The following NELL1 variants were observed in gnomAD, a reference collection of about 807,000 sequenced individuals.
NELL1 encodes protein kinase C-binding protein NELL1.
A neutral mutation model predicts 107.4 loss-of-function variants in NELL1; 76 were observed. That is an observed-to-expected ratio of 0.71 (90% CI 0.59 to 0.86). The LOEUF (loss-of-function observed/expected upper bound fraction) is 0.86, where lower values mean the gene tolerates loss of function less well. NELL1 is among the 40% of genes least tolerant of loss of function. NELL1 has a pLI of 0.00. For synonymous variants in NELL1, 353 were observed against 341.2 expected (o/e 1.03, Z -0.38); for missense variants, 1,024 against 1,005.5 (o/e 1.02, Z -0.25).
chr11:21,132,384 G>A (rs1324852088), intron 13 of NELL1, among the ~76,000 whole-genome samples: 2 of 152,082 alleles, frequency 1.3e-5, no homozygotes, highest in East Asian at 3.9e-4. Context: ...CATCCTCTTG[G>A]CCCAGCAGGC....
chr11:21,210,367 A>G (rs963932711), intron 13 of NELL1, among the ~76,000 whole-genome samples: 1 of 152,154 alleles, frequency 6.6e-6, no homozygotes, highest in Admixed American at 6.6e-5. Flanking sequence ...CAAGGGCTCC[A>G]ATTCCTCCAT....
At chr11:20,927,067 C>G (rs1590424754) in intron 7 of NELL1, 1 of 429,004 alleles carries the variant, frequency 2.3e-6, no homozygotes, top group Non-Finnish European at 4.1e-6. Flanking sequence ...TCCTGAGTTA[C>G]AGTTTAATGT....
At chr11:20,994,596 G>C (rs1852048847) in intron 12 of NELL1, among the ~76,000 whole-genome samples, 1 of 152,082 alleles carries the variant, frequency 6.6e-6, no homozygotes, top group Non-Finnish European at 1.5e-5. Context: ...AATTTGTAGG[G>C]AAAATGTAAA....
At chr11:20,850,461 A>T (rs1040618828) in intron 4 of NELL1, among the ~76,000 whole-genome samples, 1 of 152,196 alleles carries the variant, frequency 6.6e-6, no homozygotes, top group Non-Finnish European at 1.5e-5. Context: ...AACTTATTCC[A>T]TACTCATTCT....
At chr11:20,840,308 C>A (rs1245007321) in intron 3 of NELL1, among the ~76,000 whole-genome samples, 1 of 151,960 alleles carries the variant, frequency 6.6e-6, no homozygotes, top group African/African-American at 2.4e-5. Context: ...AATCTGTATA[C>A]CTGAAGTTAG....
intron 12 of NELL1, among the ~76,000 whole-genome samples, chr11:21,063,646 C>G: frequency 6.6e-6 from 1 of 152,098 alleles, no homozygotes; most frequent in East Asian, 1.9e-4. Context: ...GAAACAAAGA[C>G]CAGACAAATT....
intron 17 of NELL1, among the ~76,000 whole-genome samples, chr11:21,569,009 T>C (rs560068076): frequency 1.3e-5 from 2 of 151,950 alleles, no homozygotes; most frequent in African/African-American, 4.8e-5. Flanking sequence ...TAGGTGTATA[T>C]TTTTATACAA....
chr11:21,060,665 TG>T (rs370688908), intron 12 of NELL1, among the ~76,000 whole-genome samples: 178 of 152,294 alleles, frequency 1.2e-3, no homozygotes, highest in African/African-American at 4.0e-3. Flanking sequence ...TGAAAGCACT[TG>T]TGTTTGTGGA....
chr11:20,862,603 TG>T (rs1393426635), intron 4 of NELL1, among the ~76,000 whole-genome samples: 8 of 113,834 alleles, frequency 7.0e-5, no homozygotes, highest in African/African-American at 1.5e-4. Context: ...TTTGAGCTGC[TG>T]CTTTTTTTTT....
At chr11:20,855,680 T>G (rs1173261751) in intron 4 of NELL1, among the ~76,000 whole-genome samples, 2 of 152,206 alleles carry the variant, frequency 1.3e-5, no homozygotes, top group African/African-American at 4.8e-5. Flanking sequence ...TTTTGATGGA[T>G]ATGCATGGTT....
chr11:21,118,296 A>T (rs1248788134), intron 13 of NELL1, among the ~76,000 whole-genome samples: 1 of 152,048 alleles, frequency 6.6e-6, no homozygotes, highest in Non-Finnish European at 1.5e-5. Flanking sequence ...TACAATGGGG[A>T]ATATGGATGG....
At chr11:20,688,953 T>A (rs190354322) in intron 2 of NELL1, among the ~76,000 whole-genome samples, 5 of 152,302 alleles carry the variant, frequency 3.3e-5, no homozygotes, top group Non-Finnish European at 5.9e-5. Flanking sequence ...TCTTTAGTAA[T>A]AGCCATTCTG....
At chr11:20,883,232 G>A (rs1307279572) in intron 4 of NELL1, among the ~76,000 whole-genome samples, 1 of 152,198 alleles carries the variant, frequency 6.6e-6, no homozygotes, top group Admixed American at 6.5e-5. Context: ...TTTGACACAT[G>A]TGCCCTGGGT....
intron 15 of NELL1, among the ~76,000 whole-genome samples, 186 bp from the exon 16 acceptor site, chr11:21,534,188 G>C (rs765466623): frequency 6.6e-5 from 10 of 152,124 alleles, no homozygotes; most frequent in African/African-American, 9.7e-5. Context: ...AAACATCCAA[G>C]AATGAAGCTT....
chr11:21,069,090 T>C (rs751166986), intron 12 of NELL1, among the ~76,000 whole-genome samples: 5 of 152,140 alleles, frequency 3.3e-5, no homozygotes, highest in Non-Finnish European at 7.4e-5. Flanking sequence ...GTAATTTGGA[T>C]TTGAAAGTAG....
intron 13 of NELL1, among the ~76,000 whole-genome samples, chr11:21,118,682 A>G (rs1855293289): frequency 6.6e-6 from 1 of 152,086 alleles, no homozygotes; most frequent in Non-Finnish European, 1.5e-5. Flanking sequence ...TAGCATTTCC[A>G]TTATTGACAT....
intron 2 of NELL1, among the ~76,000 whole-genome samples, chr11:20,733,373 T>G (rs2133924719): frequency 6.6e-6 from 1 of 152,320 alleles, no homozygotes; most frequent in Admixed American, 6.5e-5. Flanking sequence ...CTGTAAGTGC[T>G]TGGGAAGTTC....
intron 3 of NELL1, among the ~76,000 whole-genome samples, chr11:20,837,432 A>G (rs1848552750): frequency 1.3e-5 from 2 of 152,172 alleles, no homozygotes; most frequent in African/African-American, 4.8e-5. Context: ...TGTTATACAC[A>G]CACATATATT....
chr11:21,049,817 A>G (rs1199651607), intron 12 of NELL1, among the ~76,000 whole-genome samples: 1 of 152,046 alleles, frequency 6.6e-6, no homozygotes, highest in East Asian at 1.9e-4. Context: ...AGCTGGGACT[A>G]CAGGTGCATG....
Sources: gnomAD v4.1 joint callset for allele counts (sites outside exome capture counted in the v4.1 genomes callset) on GRCh38, gnomAD v4.1.1 for gene constraint, MANE v1.5 for transcripts, NCBI Gene and HGNC (gene_info 2026-07-23, HGNC 2026-07-21) for gene names.